Variants in CNTNAP2 observed in about 807,000 individuals in gnomAD.
CNTNAP2 encodes contactin-associated protein-like 2.
Under a neutral mutation model 155.2 loss-of-function variants are expected in CNTNAP2, and 98 were observed. The ratio of observed to expected loss-of-function variants is 0.63; its 90% CI spans 0.54 to 0.75. CNTNAP2 has a LOEUF of 0.75. Ranked by LOEUF, CNTNAP2 falls within the 30% of genes least tolerant of loss-of-function variation. The pLI is 0.00. For missense variants in CNTNAP2, 1,727 were observed against 1,688.1 expected, an observed-to-expected ratio of 1.02 and a Z score of -0.40; for synonymous variants, 651 against 631.2, an observed-to-expected ratio of 1.03 and a Z score of -0.47.
intron 17 of CNTNAP2, among the ~76,000 whole-genome samples, chr7:148,162,877 G>A (rs1417064057): frequency 1.3e-5 from 2 of 152,200 alleles, no homozygotes; most frequent in Non-Finnish European, 2.9e-5. Context: ...ACATGTGCCT[G>A]TAACCCCAGC....
intron 15 of CNTNAP2, among the ~76,000 whole-genome samples, chr7:148,057,180 C>T (rs907288032): frequency 2.0e-5 from 3 of 152,072 alleles, no homozygotes; most frequent in Admixed American, 1.3e-4. Flanking sequence ...GAGTCACAGG[C>T]GTCGTAAACC....
At chr7:147,481,084 G>T (rs774131739) in intron 10 of CNTNAP2, among the ~76,000 whole-genome samples, 17 of 152,112 alleles carry the variant, frequency 1.1e-4, no homozygotes, top group Admixed American at 2.0e-4. Flanking sequence ...ATGGTGCTAT[G>T]ACTATGGTTT....
Position 147,442,902 on chromosome 7 carries a change from T to C in CNTNAP2, c.1671-43033T>C, listed in dbSNP as rs80118165. 8.8e-3 allele frequency among the ~76,000 whole-genome samples: 1,336 copies of C among 152,110 alleles called. 23 individuals are homozygous for C. The highest frequency in any genetic ancestry group is 0.031 in the African/African-American group (1,276 of 41,476). On this transcript the variant is annotated intron_variant, in intron 10 of 23. Transcript: ENST00000361727. ...AGAGGCAAAACGAAATCTTCTCCAG[T>C]CTTCTGTCTCCTGTCCTCAAGCAGA...
At chr7:146,960,640 T>G (rs1797538389) in intron 3 of CNTNAP2, among the ~76,000 whole-genome samples, 1 of 152,216 alleles carries the variant, frequency 6.6e-6, no homozygotes, top group Non-Finnish European at 1.5e-5. Flanking sequence ...TTGGTAAGAA[T>G]TACAATGAAA....
intron 1 of CNTNAP2, among the ~76,000 whole-genome samples, chr7:146,650,531 T>G (rs1287789481): frequency 6.7e-6 from 1 of 150,190 alleles, no homozygotes; most frequent in Non-Finnish European, 1.5e-5. Flanking sequence ...CATCACACAC[T>G]GGGGCCTGTT....
chr7:146,695,783 A>G (rs549572654), intron 1 of CNTNAP2, among the ~76,000 whole-genome samples: 1 of 152,254 alleles, frequency 6.6e-6, no homozygotes, highest in East Asian at 1.9e-4. Context: ...ATGATGTTTT[A>G]AATATGCATA....
chr7:148,048,287 C>T (rs1802812874), intron 15 of CNTNAP2, among the ~76,000 whole-genome samples: 1 of 152,160 alleles, frequency 6.6e-6, no homozygotes, highest in Non-Finnish European at 1.5e-5. Context: ...AACCACATCA[C>T]TGTCATGTAG....
At chr7:146,768,091 A>C (rs1216521503) in intron 1 of CNTNAP2, among the ~76,000 whole-genome samples, 4 of 152,122 alleles carry the variant, frequency 2.6e-5, no homozygotes, top group African/African-American at 7.2e-5. Context: ...GAAAAATGTG[A>C]TATGTGAAAA....
intron 2 of CNTNAP2, among the ~76,000 whole-genome samples, chr7:146,792,047 A>T (rs2129189248): frequency 6.6e-6 from 1 of 152,336 alleles, no homozygotes; most frequent in Non-Finnish European, 1.5e-5. Flanking sequence ...ACAGAAAGGC[A>T]GAAATCGGGA....
At chr7:146,345,714 A>T (rs1318411801) in intron 1 of CNTNAP2, among the ~76,000 whole-genome samples, 2 of 152,214 alleles carry the variant, frequency 1.3e-5, no homozygotes, top group East Asian at 3.8e-4. Context: ...ATGTTACAAA[A>T]AATGTCTGCT....
intron 8 of CNTNAP2, among the ~76,000 whole-genome samples, chr7:147,157,030 T>G (rs1801938728): frequency 6.6e-6 from 1 of 152,084 alleles, no homozygotes; most frequent in South Asian, 2.1e-4. Flanking sequence ...GGCTTCACTC[T>G]CCATTTGTCT....
At chr7:148,023,832 T>C (rs1802328163) in intron 15 of CNTNAP2, among the ~76,000 whole-genome samples, 1 of 152,166 alleles carries the variant, frequency 6.6e-6, no homozygotes, top group South Asian at 2.1e-4. Flanking sequence ...CATTTTGAGT[T>C]GGAAAGTCCT....
intron 19 of CNTNAP2, among the ~76,000 whole-genome samples, chr7:148,222,390 A>G (rs531396467): frequency 9.8e-5 from 15 of 152,318 alleles, no homozygotes; most frequent in African/African-American, 3.4e-4. Flanking sequence ...GCAGGGCATG[A>G]CATGGCGAGG....
At chr7:146,965,479 G>C (rs1289526764) in intron 3 of CNTNAP2, among the ~76,000 whole-genome samples, 1 of 151,982 alleles carries the variant, frequency 6.6e-6, no homozygotes, top group Non-Finnish European at 1.5e-5. Context: ...CAGGCAAGGT[G>C]TATTAAATTG....
At chr7:146,738,820 A>G (rs1479426027) in intron 1 of CNTNAP2, among the ~76,000 whole-genome samples, 1 of 147,410 alleles carries the variant, frequency 6.8e-6, no homozygotes, top group African/African-American at 2.5e-5. Context: ...CTTACTTGTT[A>G]TTGGTCTGTT....
At chr7:146,610,385 C>A (rs909331286) in intron 1 of CNTNAP2, among the ~76,000 whole-genome samples, 3 of 152,040 alleles carry the variant, frequency 2.0e-5, no homozygotes, top group East Asian at 3.9e-4. Context: ...CCTGCATGTT[C>A]GGAACCTAAA....
chr7:146,425,522 T>G (rs1796074992), intron 1 of CNTNAP2, among the ~76,000 whole-genome samples: 1 of 152,192 alleles, frequency 6.6e-6, no homozygotes, highest in Admixed American at 6.5e-5. Flanking sequence ...TCCATGTATT[T>G]TAGTACATCA....
chr7:146,628,570 C>G (rs1416640397), intron 1 of CNTNAP2, among the ~76,000 whole-genome samples: 2 of 151,830 alleles, frequency 1.3e-5, no homozygotes, highest in South Asian at 4.2e-4. Context: ...TGTTTATATA[C>G]TTCAAAATAT....
At chr7:147,219,854 C>T (rs1803353876) in intron 8 of CNTNAP2, among the ~76,000 whole-genome samples, 1 of 151,992 alleles carries the variant, frequency 6.6e-6, no homozygotes, top group Non-Finnish European at 1.5e-5. Flanking sequence ...CGGCTCACTG[C>T]AAGCTCCGCC....
Sources: allele counts gnomAD v4.1 joint callset (sites outside exome capture counted in the v4.1 genomes callset), GRCh38; gene constraint gnomAD v4.1.1; transcripts MANE v1.5; gene names NCBI Gene and HGNC (gene_info 2026-07-23, HGNC 2026-07-21).